Variants in TACC1 observed in about 807,000 individuals in gnomAD.
The protein encoded by TACC1 is transforming acidic coiled-coil-containing protein 1.
TACC1 carries 48 observed loss-of-function variants against 84.4 expected under a neutral mutation model. The observed-to-expected ratio is 0.57, with a 90% CI of 0.45 to 0.72. The LOEUF (loss-of-function observed/expected upper bound fraction) is 0.72, where lower values mean the gene tolerates loss of function less well. Among genes scored for constraint, TACC1 ranks in the 30% least tolerant of loss-of-function variants. TACC1 has a pLI of 0.00. For missense variants in TACC1, 920 were observed against 973.0 expected (o/e 0.95, Z 0.72); for synonymous variants, 372 against 376.3 (o/e 0.99, Z 0.13).
intron 1 of TACC1, among the ~76,000 whole-genome samples, chr8:38,734,783 G>A (rs555777866): frequency 1.3e-5 from 2 of 152,350 alleles, no homozygotes; most frequent in East Asian, 3.9e-4. Context: ...AGTTAGCTGC[G>A]ATGCCCCCTT....
chr8:38,742,562 G>A, intron 2 of TACC1: 2 of 768,800 alleles, frequency 2.6e-6, no homozygotes, highest in Non-Finnish European at 4.1e-6. Context: ...GATTAAGTGT[G>A]AATGAAGGAA....
At chr8:38,753,845 C>A (rs7821936) in intron 3 of TACC1, among the ~76,000 whole-genome samples, 1 of 150,626 alleles carries the variant, frequency 6.6e-6, no homozygotes, top group Admixed American at 6.6e-5. Context: ...TTCCTTTTCC[C>A]CTTGTCTCAA....
chr8:38,840,284 G>GT lies in TACC1; in HGVS notation c.1960+23dup, dbSNP rs1401240478. ...AAATGATTGGTAAGGAGAACATTTTGTTTTTTGAGGGTATGAGCCATAGGA... is the reference window on the plus strand; with the variant it reads ...AAATGATTGGTAAGGAGAACATTTTGTTTTTTTGAGGGTATGAGCCATAGGA... On this transcript the variant is annotated intron_variant, in intron 9 of 12. Transcript: ENST00000317827. 23 of 1,609,738 alleles carry GT rather than the reference G, an allele frequency of 1.4e-5. No homozygotes were observed. Among genetic ancestry groups the GT allele is most frequent in the Non-Finnish European group, 2.0e-5 (23 of 1,176,552 alleles).
intron 7 of TACC1, 115 bp from the exon 8 acceptor site, chr8:38,838,355 A>G: frequency 1.5e-6 from 1 of 679,390 alleles, no homozygotes; most frequent in Non-Finnish European, 2.6e-6. Flanking sequence ...TGAAGTTTAT[A>G]TTTCTAATAT....
chr8:38,829,191 G>A (rs1271917530), intron 5 of TACC1, among the ~76,000 whole-genome samples: 1 of 152,172 alleles, frequency 6.6e-6, no homozygotes, highest in Admixed American at 6.5e-5. Flanking sequence ...GGGCTTTTAT[G>A]TATAGAATTT....
At chr8:38,794,466 T>C (rs964000113) in intron 2 of TACC1, among the ~76,000 whole-genome samples, 2 of 152,044 alleles carry the variant, frequency 1.3e-5, no homozygotes, top group Non-Finnish European at 2.9e-5. Context: ...TAACTTCGGG[T>C]GTATGAGAAT....
In TACC1 at chr8:38,800,282, T is replaced by G. The variant is rs569526890; in HGVS notation, c.277+11463T>G. Among the ~76,000 whole-genome samples, 39 of 152,372 alleles carry G rather than the reference T, an allele frequency of 2.6e-4. No homozygotes were observed. In the East Asian group the frequency reaches 6.7e-3, roughly 26 times the overall value. On this transcript the variant is annotated intron_variant, in intron 2 of 12. Coordinates refer to ENST00000317827, the MANE Select transcript of TACC1 (RefSeq NM_006283.3). ...GAGATATAGTTTACCTGCCATACAA[T>G]TCACCATTTAAAAGCTTTATGATAG...
intron 2 of TACC1, among the ~76,000 whole-genome samples, chr8:38,807,433 C>T (rs947104258): frequency 6.6e-6 from 1 of 152,134 alleles, no homozygotes; most frequent in Non-Finnish European, 1.5e-5. Context: ...GTCTAGAAAC[C>T]CGTAAAAAGG....
intron 8 of TACC1, 74 bp downstream of exon 8, chr8:38,838,620 C>A: frequency 7.9e-7 from 1 of 1,268,802 alleles, no homozygotes; most frequent in Non-Finnish European, 1.1e-6. Flanking sequence ...GAAGTGATGA[C>A]AGTGTTTGCT....
chr8:38,777,367 T>C (rs1473103783), intron 3 of TACC1, among the ~76,000 whole-genome samples: 1 of 151,968 alleles, frequency 6.6e-6, no homozygotes, highest in African/African-American at 2.4e-5. Flanking sequence ...CTGGTGCGGG[T>C]TCTGTCTGTT....
intron 6 of TACC1, among the ~76,000 whole-genome samples, chr8:38,835,813 T>C (rs1830107723): frequency 1.3e-5 from 2 of 152,256 alleles, no homozygotes; most frequent in Non-Finnish European, 2.9e-5. Context: ...CCCATTTACA[T>C]GGAGCTTATC....
At chr8:38,811,456 C>T (rs1220557265) in intron 2 of TACC1, among the ~76,000 whole-genome samples, 1 of 152,194 alleles carries the variant, frequency 6.6e-6, no homozygotes, top group African/African-American at 2.4e-5. Context: ...AAGTCAGGGA[C>T]CCTGAACGGA....
intron 8 of TACC1, chr8:38,839,181 G>T (rs150381448): frequency 1.4e-5 from 5 of 350,124 alleles, no homozygotes; most frequent in South Asian, 3.0e-4. Context: ...GAGCCACAGC[G>T]CCTGGTCCAT....
chr8:38,767,757 C>T (rs772163305), intron 3 of TACC1, among the ~76,000 whole-genome samples: 3 of 151,954 alleles, frequency 2.0e-5, no homozygotes, highest in Admixed American at 6.6e-5. Flanking sequence ...TTATAGTACC[C>T]GTAGGATAAA....
chr8:38,839,207 T>C (rs903692654), intron 8 of TACC1: 1 of 372,756 alleles, frequency 2.7e-6, no homozygotes, highest in South Asian at 1.4e-4. Context: ...TTTTTAAAAA[T>C]TAATTATGCA....
chr8:38,736,733 TC>T (rs1806036217), intron 1 of TACC1, among the ~76,000 whole-genome samples: 1 of 152,178 alleles, frequency 6.6e-6, no homozygotes, highest in African/African-American at 2.4e-5. Context: ...CAGAGTTCCT[TC>T]AGGACATCTC....
chr8:38,810,931 A>G (rs1463896259), intron 2 of TACC1, among the ~76,000 whole-genome samples: 4 of 152,118 alleles, frequency 2.6e-5, no homozygotes, highest in East Asian at 1.9e-4. Flanking sequence ...AGCCTAGGCA[A>G]CGTAGTGCGA....
chr8:38,828,868 A>G (rs1203342112), intron 5 of TACC1, among the ~76,000 whole-genome samples: 2 of 152,220 alleles, frequency 1.3e-5, no homozygotes, highest in Non-Finnish European at 2.9e-5. Flanking sequence ...TTTCGCCACA[A>G]TGCCAAAGTA....
chr8:38,759,590 A>G (rs1196267454), intron 3 of TACC1, among the ~76,000 whole-genome samples: 2 of 152,212 alleles, frequency 1.3e-5, no homozygotes, highest in African/African-American at 4.8e-5. Flanking sequence ...ATATTTTACA[A>G]TGCTTGCCTA....
Sources: allele counts gnomAD v4.1 joint callset (sites outside exome capture counted in the v4.1 genomes callset), GRCh38; gene constraint gnomAD v4.1.1; transcripts MANE v1.5; gene names NCBI Gene and HGNC (gene_info 2026-07-23, HGNC 2026-07-21).